MAML3: variants seen among roughly 807,000 people sequenced by gnomAD.
The protein encoded by MAML3 is mastermind like transcriptional coactivator 3.
In MAML3, 27 loss-of-function variants were observed where a neutral mutation model predicts 101.9. The ratio of observed to expected loss-of-function variants is 0.27; its 90% CI spans 0.20 to 0.37. The LOEUF (loss-of-function observed/expected upper bound fraction) is 0.37. Ranked by LOEUF, MAML3 falls within the 10% of genes least tolerant of loss-of-function variation. The pLI, the probability that MAML3 is intolerant of heterozygous loss-of-function variation, is 1.00. For missense variants in MAML3, 1,316 were observed against 1,444.9 expected, an observed-to-expected ratio of 0.91 and a Z score of 1.45; for synonymous variants, 501 against 555.9, an observed-to-expected ratio of 0.90 and a Z score of 1.39.
At chr4:139,919,373 A>G (rs1213652995) in intron 1 of MAML3, among the ~76,000 whole-genome samples, 1 of 152,190 alleles carries the variant, frequency 6.6e-6, no homozygotes, top group Non-Finnish European at 1.5e-5. Context: ...TTTTTATCTC[A>G]AAGTTAAATC....
At position 140,153,522 on chromosome 4, in the gene MAML3, T is replaced by A. The variant is rs1008987242; in HGVS notation, c.-195A>T. The A allele has an allele frequency of 3.5e-6, 2 of 574,480 alleles. No individual in the cohort carries two copies. The highest frequency in any genetic ancestry group is 2.9e-6 in the Non-Finnish European group (1 of 342,294). The allele number at this position is 574,480 out of a possible 1,614,324, so 35.6% of individuals were successfully genotyped here. ...TGGGGTGGTTTTTGTTTCCTTTTTT[T>A]AAACTGTAAAAGCTCAAGGGGAAGA... is the stretch of plus-strand genomic sequence containing the variant. On this transcript the variant is annotated 5_prime_UTR_variant, in exon 1 of 5. Transcript: ENST00000509479.
rs544250515 is a variant in MAML3, at chr4:139,946,889, C to CCACACACACA, written c.469-55932_469-55923dup. On this transcript the variant is annotated intron_variant, in intron 1 of 4. Transcript: ENST00000509479. ...CCCAAATTTCTCCAGGCAGAGTAAG[C>CCACACACACA]CACACACACACACACACACACACAC... Among the ~76,000 whole-genome samples the CCACACACACA allele has an allele frequency of 7.3e-3, 919 of 126,752 alleles. 1 individual carries two copies. Among genetic ancestry groups the CCACACACACA allele is most frequent in the Non-Finnish European group, 0.01 (607 of 60,308 alleles). 83.2% of individuals were successfully genotyped at this position (126,752 alleles called of 152,430 possible).
chr4:139,802,385 T>A (rs2111104089), intron 2 of MAML3, among the ~76,000 whole-genome samples: 1 of 152,274 alleles, frequency 6.6e-6, no homozygotes, highest in Admixed American at 6.5e-5. Flanking sequence ...CCTATCCAGT[T>A]GCATCTGTTC....
chr4:140,023,077 A>G (rs1221905976), intron 1 of MAML3, among the ~76,000 whole-genome samples: 1 of 152,234 alleles, frequency 6.6e-6, no homozygotes, highest in Admixed American at 6.5e-5. Context: ...AGACACCTGT[A>G]TAATATATGG....
intron 1 of MAML3, among the ~76,000 whole-genome samples, chr4:140,111,933 T>C (rs945887193): frequency 1.3e-5 from 2 of 152,258 alleles, no homozygotes; most frequent in Non-Finnish European, 2.9e-5. Context: ...TTCTTGATCT[T>C]GACATTTTTG....
chr4:139,725,096 T>C (rs555112013), intron 4 of MAML3, among the ~76,000 whole-genome samples: 2 of 152,298 alleles, frequency 1.3e-5, no homozygotes, highest in African/African-American at 4.8e-5. Flanking sequence ...GGTTTGATAT[T>C]TGAACGGGCC....
intron 2 of MAML3, among the ~76,000 whole-genome samples, chr4:139,801,692 G>C (rs1358828256): frequency 4.6e-5 from 7 of 151,408 alleles, no homozygotes; most frequent in Non-Finnish European, 1.0e-4. Context: ...CTGTGTGTGT[G>C]TGTCTGTCTG....
At chr4:140,111,415 A>G (rs1578690111) in intron 1 of MAML3, among the ~76,000 whole-genome samples, 1 of 152,244 alleles carries the variant, frequency 6.6e-6, no homozygotes, top group African/African-American at 2.4e-5. Flanking sequence ...AGATGCGTGC[A>G]AACACATGGA....
chr4:140,000,553 T>A (rs576322060), intron 1 of MAML3, among the ~76,000 whole-genome samples: 2 of 152,254 alleles, frequency 1.3e-5, no homozygotes, highest in South Asian at 4.1e-4. Context: ...CAGCCCAGTC[T>A]CCCTCTACTT....
intron 1 of MAML3, among the ~76,000 whole-genome samples, chr4:140,027,343 T>C (rs1362435500): frequency 6.6e-6 from 1 of 152,246 alleles, no homozygotes. Context: ...TGCAGTTTGC[T>C]TGCACTTCTA....
At chr4:139,761,384 T>TGG (rs142253967) in intron 2 of MAML3, among the ~76,000 whole-genome samples, 18 of 151,882 alleles carry the variant, frequency 1.2e-4, no homozygotes, top group Non-Finnish European at 2.2e-4. Flanking sequence ...AAAGAGAGTC[T>TGG]GGAGGGGGCG....
chr4:139,786,973 G>A (rs1181900290), intron 2 of MAML3, among the ~76,000 whole-genome samples: 1 of 152,194 alleles, frequency 6.6e-6, no homozygotes, highest in Non-Finnish European at 1.5e-5. Context: ...ACACAGCCCT[G>A]CCAATTGCTG....
chr4:140,115,701 G>C (rs987419213), intron 1 of MAML3, among the ~76,000 whole-genome samples: 3 of 152,150 alleles, frequency 2.0e-5, no homozygotes, highest in African/African-American at 4.8e-5. Context: ...AGAGCAAAAA[G>C]CAAGTGTACT....
chr4:140,072,187 T>C (rs1332085602), intron 1 of MAML3, among the ~76,000 whole-genome samples: 1 of 152,198 alleles, frequency 6.6e-6, no homozygotes, highest in African/African-American at 2.4e-5. Flanking sequence ...TCCGTATTCA[T>C]GGATTCTGCA....
At chr4:140,082,274 G>A (rs192891815) in intron 1 of MAML3, among the ~76,000 whole-genome samples, 33 of 152,348 alleles carry the variant, frequency 2.2e-4, no homozygotes, top group African/African-American at 7.7e-4. Flanking sequence ...AGGGGCTCAA[G>A]TGGGACGAAT....
intron 2 of MAML3, among the ~76,000 whole-genome samples, chr4:139,806,983 C>G (rs914919821): frequency 6.6e-5 from 10 of 152,020 alleles, no homozygotes; most frequent in Admixed American, 5.2e-4. Context: ...GTGCATAGTT[C>G]TTTAAATTTC....
At chr4:140,061,799 G>GA (rs1160053517) in intron 1 of MAML3, among the ~76,000 whole-genome samples, 1 of 152,180 alleles carries the variant, frequency 6.6e-6, no homozygotes, top group Admixed American at 6.5e-5. Context: ...AAGGAACTGA[G>GA]AAGAGAATGA....
At chr4:139,759,576 T>C (rs1397003043) in intron 2 of MAML3, among the ~76,000 whole-genome samples, 1 of 152,228 alleles carries the variant, frequency 6.6e-6, no homozygotes, top group Non-Finnish European at 1.5e-5. Flanking sequence ...CTAGGCAAAT[T>C]GCTTTCTAGG....
intron 2 of MAML3, chr4:139,740,162 C>G (rs1729111670): frequency 6.6e-6 from 1 of 152,384 alleles, no homozygotes; most frequent in East Asian, 1.9e-4. Context: ...CCTGGACAAG[C>G]CTGCTCTCTG....
Sources: allele counts gnomAD v4.1 joint callset (sites outside exome capture counted in the v4.1 genomes callset), GRCh38; gene constraint gnomAD v4.1.1; transcripts MANE v1.5; gene names NCBI Gene and HGNC (gene_info 2026-07-23, HGNC 2026-07-21).